The following SLC38A4 variants were observed in gnomAD, a reference collection of about 807,000 sequenced individuals.
The protein encoded by SLC38A4 is solute carrier family 38 member 4, also known as sodium-coupled neutral amino acid transporter 4.
Under a neutral mutation model 63.1 loss-of-function variants are expected in SLC38A4, and 20 were observed. That is an observed-to-expected ratio of 0.32 (90% CI 0.22 to 0.46). The LOEUF (loss-of-function observed/expected upper bound fraction) is 0.46, where lower values mean the gene tolerates loss of function less well. Among genes scored for constraint, SLC38A4 ranks in the 20% least tolerant of loss-of-function variants. The pLI is 1.00. For synonymous variants in SLC38A4, 230 were observed against 225.5 expected (o/e 1.02, Z -0.18); for missense variants, 526 against 663.6 (o/e 0.79, Z 2.28).
intron 1 of SLC38A4, among the ~76,000 whole-genome samples, chr12:46,822,604 C>A (rs1939572757): frequency 1.3e-5 from 2 of 152,226 alleles, no homozygotes; most frequent in South Asian, 4.1e-4. Flanking sequence ...AAGATAGGAT[C>A]CCTGTCTCCA....
intron 1 of SLC38A4, among the ~76,000 whole-genome samples, chr12:46,807,008 A>T (rs571855358): frequency 6.6e-6 from 1 of 151,892 alleles, no homozygotes; most frequent in Non-Finnish European, 1.5e-5. Context: ...AAAAAAAAAA[A>T]TCTTAGACCA....
upstream of SLC38A4, among the ~76,000 whole-genome samples, chr12:46,829,052 T>C (rs1465737044): frequency 2.6e-5 from 4 of 152,256 alleles, no homozygotes; most frequent in Non-Finnish European, 5.9e-5. Context: ...GGATGAATTT[T>C]ATTCTAATAT....
chr12:46,771,684 G>C (rs1329212438), intron 14 of SLC38A4, among the ~76,000 whole-genome samples: 14 of 152,112 alleles, frequency 9.2e-5, no homozygotes, highest in African/African-American at 3.4e-4. Context: ...GGAGGTACTA[G>C]GCTTGTGGTG....
Position 46,769,411 on chromosome 12 carries a change from G to C in SLC38A4, c.1317C>G (p.Ile439Met), listed in dbSNP as rs1938365382. Residue 439 changes from isoleucine (I) to methionine (M), a missense_variant, in exon 15 of 17, where the codon ATC (isoleucine) becomes ATG (methionine). By Grantham distance (10) the Ile-to-Met change is conservative (BLOSUM62 1). Coordinates refer to ENST00000266579, the MANE Select transcript of SLC38A4 (RefSeq NM_018018.5). ...IVLFPIRTSV[I>M]TLLFPKRPFS... The stretch of plus-strand genomic sequence containing the variant: ...AGGGTCGTTTGGGAAATAACAGTGT[G>C]ATCACTGATGTACGAATCTTAAACA... 1.2e-6 allele frequency: 2 copies of C among 1,613,188 alleles called. No homozygotes were observed. Among genetic ancestry groups the C allele is most frequent in the African/African-American group, 1.3e-5 (1 of 74,992 alleles).
rs568672567 is a variant in SLC38A4, at chr12:46,778,414, T to C, written c.994-46A>G. The C allele has an allele frequency of 1.9e-5, 30 of 1,611,510 alleles. 1 individual carries two copies. In the Middle Eastern group the frequency reaches 5.0e-4, roughly 27 times the overall value. ...CACGTGTTTAGCATTCCAACATAGA[T>C]GGTGATCTCAGGCCATCTCAGTTTA... On this transcript the variant is annotated intron_variant, in intron 11 of 16. Transcript: ENST00000266579.
intron 15 of SLC38A4, among the ~76,000 whole-genome samples, chr12:46,769,044 G>T (rs1265316521): frequency 6.6e-6 from 1 of 151,934 alleles, no homozygotes; most frequent in Non-Finnish European, 1.5e-5. Context: ...CTTTTATAGG[G>T]GTCAGTTTCC....
At chr12:46,780,166 TG>T (rs1938610619) in intron 7 of SLC38A4, 136 bp from the exon 8 acceptor site, 4 of 663,976 alleles carry the variant, frequency 6.0e-6, no homozygotes, top group Non-Finnish European at 1.1e-5. Flanking sequence ...TATTTGGCAC[TG>T]CTTCCAAGTT....
At chr12:46,782,945 C>A (rs79800141) in intron 7 of SLC38A4, among the ~76,000 whole-genome samples, 4 of 141,112 alleles carry the variant, frequency 2.8e-5, no homozygotes, top group African/African-American at 1.1e-4. Flanking sequence ...ACAAACAGGA[C>A]CATGAGAGCC....
chr12:46,774,005 T>C (rs1231207410), intron 14 of SLC38A4, among the ~76,000 whole-genome samples: 1 of 152,084 alleles, frequency 6.6e-6, no homozygotes, highest in Non-Finnish European at 1.5e-5. Context: ...AGTTGTCTTC[T>C]GTCTTGTACC....
At chr12:46,787,422 T>C (rs562366838) in intron 5 of SLC38A4, among the ~76,000 whole-genome samples, 112 of 152,142 alleles carry the variant, frequency 7.4e-4, no homozygotes, top group Non-Finnish European at 5.4e-4. Context: ...TATGAGGAGT[T>C]AACTAGATGA....
chr12:46,794,976 G>T (rs573816732), intron 2 of SLC38A4, among the ~76,000 whole-genome samples: 1 of 151,234 alleles, frequency 6.6e-6, no homozygotes, highest in Non-Finnish European at 1.5e-5. Context: ...AGTAAGACAT[G>T]CATATGGGTA....
At chr12:46,784,977 T>C (rs1938728169) in intron 6 of SLC38A4, 127 bp downstream of exon 6, 1 of 857,696 alleles carries the variant, frequency 1.2e-6, no homozygotes, top group Non-Finnish European at 1.9e-6. Context: ...AGAGATCGTG[T>C]CACTGGGCTC....
chr12:46,800,548 C>G (rs940365897), intron 2 of SLC38A4, among the ~76,000 whole-genome samples: 3 of 151,988 alleles, frequency 2.0e-5, no homozygotes, highest in Non-Finnish European at 4.4e-5. Context: ...CTAAAACAAC[C>G]TGAAAATCTT....
In SLC38A4 at chr12:46,775,117, G is replaced by T. The variant is rs141241419; in HGVS notation, c.1231C>A (p.Pro411Thr). 7 of 1,612,780 alleles carry T rather than the reference G, an allele frequency of 4.3e-6. No homozygotes were observed. In the South Asian group the frequency reaches 7.7e-5, roughly 18 times the overall value. Residue 411 changes from proline to threonine, a missense_variant, in exon 14 of 17, where the codon CCT becomes ACT. Coordinates refer to ENST00000266579, the MANE Select transcript of SLC38A4 (RefSeq NM_018018.5). ...ACTGCCAGGCGAACCATGAGAAGAG[G>T]GATGTCTAATGTATACACTTTGCTG... ...AYSKVYTLDI[P>T]LLMVRLAVLV... is the part of the protein sequence containing the mutation.
intron 14 of SLC38A4, among the ~76,000 whole-genome samples, chr12:46,770,936 ATT>A (rs1042369508): frequency 1.3e-5 from 2 of 152,156 alleles, no homozygotes; most frequent in African/African-American, 4.8e-5. Context: ...ATGACAAAAA[ATT>A]CAAGCTAAAT....
At chr12:46,792,078 A>C (rs1419921214) in intron 3 of SLC38A4, among the ~76,000 whole-genome samples, 2 of 152,094 alleles carry the variant, frequency 1.3e-5, no homozygotes, top group Admixed American at 1.3e-4. Context: ...TTATCTAAGG[A>C]TGGAAATTGA....
At chr12:46,781,311 C>T (rs1938633490) in intron 7 of SLC38A4, among the ~76,000 whole-genome samples, 1 of 152,040 alleles carries the variant, frequency 6.6e-6, no homozygotes, top group African/African-American at 2.4e-5. Flanking sequence ...GATGTACCTT[C>T]TGTACACATT....
chr12:46,788,610 G>A lies in SLC38A4; in HGVS notation c.128C>T (p.Ala43Val). Residue 43 changes from alanine (A) to valine (V), a missense_variant, in exon 4 of 17, where the codon GCT (alanine) becomes GTT (valine). Coordinates refer to ENST00000266579, the MANE Select transcript of SLC38A4 (RefSeq NM_018018.5). The part of the protein sequence containing the change: ...SEKAAMSSQF[A>V]NEDTESQKFL... ...TTTCTGACTTTCAGTGTCTTCATTAGCAAATTGACTGAACACACACACACA... is the reference window on the plus strand; with the variant it reads ...TTTCTGACTTTCAGTGTCTTCATTAACAAATTGACTGAACACACACACACA... The A allele has an allele frequency of 1.2e-6, 2 of 1,612,538 alleles. No individual in the cohort carries two copies. The highest frequency in any genetic ancestry group is 1.7e-6 in the Non-Finnish European group (2 of 1,179,292).
intron 1 of SLC38A4, among the ~76,000 whole-genome samples, chr12:46,831,072 AAAGT>A (rs1285133699): frequency 6.6e-6 from 1 of 152,174 alleles, no homozygotes. Flanking sequence ...CCTGGTGCTC[AAAGT>A]AAGGGCAATC....
Sources: allele counts gnomAD v4.1 joint callset (sites outside exome capture counted in the v4.1 genomes callset), GRCh38; gene constraint gnomAD v4.1.1; transcripts MANE v1.5; gene names NCBI Gene and HGNC (gene_info 2026-07-23, HGNC 2026-07-21).